PTPRT: variants seen among roughly 807,000 people sequenced by gnomAD.
The protein encoded by PTPRT is protein tyrosine phosphatase receptor type T, also known as receptor-type tyrosine-protein phosphatase T.
In PTPRT, 56 loss-of-function variants were observed where a neutral mutation model predicts 176.8. The observed-to-expected ratio is 0.32, with a 90% confidence interval of 0.26 to 0.40. The LOEUF (loss-of-function observed/expected upper bound fraction) is 0.40, where lower values mean the gene tolerates loss of function less well. Ranked by LOEUF, PTPRT falls within the 10% of genes least tolerant of loss-of-function variation. The probability of loss-of-function intolerance (pLI) is 1.00; values close to 1 mark genes in which losing one functional copy is unlikely to be tolerated. For missense variants in PTPRT, 1,540 were observed against 1,908.2 expected (o/e 0.81, Z 3.60); for synonymous variants, 783 against 739.0 (o/e 1.06, Z -0.96).
intron 2 of PTPRT, among the ~76,000 whole-genome samples, chr20:42,866,020 G>C (rs1383955878): frequency 6.6e-6 from 1 of 152,148 alleles, no homozygotes; most frequent in African/African-American, 2.4e-5. Context: ...AACACCCAGT[G>C]GTTCTCAAGA....
At chr20:42,401,160 TAAATAAAC>T (rs1233858481) in intron 9 of PTPRT, among the ~76,000 whole-genome samples, 19 of 145,564 alleles carry the variant, frequency 1.3e-4, no homozygotes, top group Non-Finnish European at 2.5e-4. Flanking sequence ...AATAAATAAA[TAAATAAAC>T]AAACCTTTAT....
intron 13 of PTPRT, among the ~76,000 whole-genome samples, chr20:42,269,745 G>C (rs1050437679): frequency 6.6e-6 from 1 of 152,196 alleles, no homozygotes; most frequent in Admixed American, 6.5e-5. Context: ...CATGTGTACG[G>C]TCTACAACGT....
intron 15 of PTPRT, among the ~76,000 whole-genome samples, chr20:42,228,951 T>C (rs916885630): frequency 1.3e-4 from 20 of 152,202 alleles, no homozygotes; most frequent in Admixed American, 2.0e-4. Context: ...GACAAAGATA[T>C]GAGCCCAGCG....
At chr20:42,805,368 G>C (rs1247331258) in intron 2 of PTPRT, among the ~76,000 whole-genome samples, 1 of 152,178 alleles carries the variant, frequency 6.6e-6, no homozygotes, top group Non-Finnish European at 1.5e-5. Context: ...TAGTGGCCTT[G>C]TCTGCATTGA....
chr20:42,293,666 T>C (rs998917956), intron 12 of PTPRT, among the ~76,000 whole-genome samples: 1 of 152,218 alleles, frequency 6.6e-6, no homozygotes, highest in Non-Finnish European at 1.5e-5. Flanking sequence ...GGCTCATCTA[T>C]CCATCTGTCT....
chr20:42,748,357 G>C (rs2076720877), intron 6 of PTPRT, among the ~76,000 whole-genome samples: 1 of 152,144 alleles, frequency 6.6e-6, no homozygotes, highest in South Asian at 2.1e-4. Flanking sequence ...TAGCCCTCCA[G>C]CTCCTCTTTA....
intron 1 of PTPRT, among the ~76,000 whole-genome samples, chr20:43,162,479 C>A (rs576506074): frequency 7.2e-5 from 11 of 152,310 alleles, no homozygotes; most frequent in African/African-American, 2.6e-4. Context: ...GTAATAACCA[C>A]ACAACAAGCA....
chr20:42,299,179 G>A (rs2057425461), intron 12 of PTPRT, among the ~76,000 whole-genome samples: 1 of 152,104 alleles, frequency 6.6e-6, no homozygotes, highest in African/African-American at 2.4e-5. Flanking sequence ...GTATGCACTT[G>A]TTTGTACAGC....
intron 16 of PTPRT, among the ~76,000 whole-genome samples, chr20:42,166,653 T>A (rs142476129): frequency 4.6e-5 from 7 of 152,296 alleles, no homozygotes; most frequent in Non-Finnish European, 7.3e-5. Flanking sequence ...GTGCGGTGGT[T>A]CATGCCTGTA....
At chr20:42,709,922 T>C (rs2076119262) in intron 6 of PTPRT, among the ~76,000 whole-genome samples, 1 of 152,262 alleles carries the variant, frequency 6.6e-6, no homozygotes, top group East Asian at 1.9e-4. Flanking sequence ...AGCAAAAAAC[T>C]TGGCTGCATT....
chr20:42,601,275 C>T (rs2073777222), intron 7 of PTPRT, among the ~76,000 whole-genome samples: 1 of 152,188 alleles, frequency 6.6e-6, no homozygotes, highest in African/African-American at 2.4e-5. Flanking sequence ...TACAATCTGC[C>T]TTCTACCTGC....
chr20:42,417,124 C>G (rs1238450091), intron 9 of PTPRT, among the ~76,000 whole-genome samples: 1 of 152,202 alleles, frequency 6.6e-6, no homozygotes, highest in East Asian at 1.9e-4. Context: ...GAAGCTCTAT[C>G]AAACTTTGTC....
chr20:43,146,821 G>A (rs1209839491), intron 1 of PTPRT, among the ~76,000 whole-genome samples: 1 of 152,052 alleles, frequency 6.6e-6, no homozygotes, highest in East Asian at 1.9e-4. Context: ...TGCCCCTGTG[G>A]ACCCTACTTT....
chr20:42,145,422 C>T (rs899120729), intron 17 of PTPRT, among the ~76,000 whole-genome samples: 3 of 152,106 alleles, frequency 2.0e-5, no homozygotes. Context: ...ATTGCTTGAA[C>T]CCAGGAGGTG....
At chr20:43,106,844 G>A (rs2012637256) in intron 1 of PTPRT, among the ~76,000 whole-genome samples, 2 of 151,894 alleles carry the variant, frequency 1.3e-5, no homozygotes, top group South Asian at 2.1e-4. Flanking sequence ...AGGCTAGAGT[G>A]CAATGGCATG....
intron 7 of PTPRT, among the ~76,000 whole-genome samples, chr20:42,630,848 A>G (rs2074389794): frequency 6.6e-6 from 1 of 152,174 alleles, no homozygotes; most frequent in African/African-American, 2.4e-5. Flanking sequence ...ATAAGTATCA[A>G]TAACCTCAGA....
At chr20:42,796,617 C>T (rs2077459051) in intron 2 of PTPRT, among the ~76,000 whole-genome samples, 1 of 152,212 alleles carries the variant, frequency 6.6e-6, no homozygotes, top group Non-Finnish European at 1.5e-5. Context: ...TCCCAGATAG[C>T]TATTTAAGAG....
At chr20:43,088,549 C>T (rs866105680) in intron 1 of PTPRT, among the ~76,000 whole-genome samples, 1 of 152,144 alleles carries the variant, frequency 6.6e-6, no homozygotes, top group African/African-American at 2.4e-5. Context: ...AGTACAGACT[C>T]TGGGTTGAGA....
chr20:42,922,953 T>A (rs539092526), intron 1 of PTPRT, among the ~76,000 whole-genome samples: 1 of 152,226 alleles, frequency 6.6e-6, no homozygotes, highest in Admixed American at 6.5e-5. Context: ...CACCCCAAGC[T>A]AAGATGGCAT....
Sources: gnomAD v4.1 joint callset for allele counts (sites outside exome capture counted in the v4.1 genomes callset) on GRCh38, gnomAD v4.1.1 for gene constraint, MANE v1.5 for transcripts, NCBI Gene and HGNC (gene_info 2026-07-23, HGNC 2026-07-21) for gene names.